Variants in BLTP1 observed in about 807,000 individuals in gnomAD.
BLTP1 encodes the protein fragile site-associated protein.
the BLTP1 span, chr4:122,255,223 T>C: frequency 3.9e-5 from 63 of 1,613,288 alleles, no homozygotes; most frequent in Admixed American, 4.3e-4. Context: ...GTTTACTATG[T>C]AATATACTAC....
the BLTP1 span, chr4:122,362,536 A>G: frequency 1.6e-5 from 3 of 182,300 alleles, no homozygotes; most frequent in South Asian, 1.5e-4. Flanking sequence ...TGTCTGCAGA[A>G]TAACTGTGAA....
At chr4:122,357,119 A>G in the BLTP1 span, 2 of 770,304 alleles carry the variant, frequency 2.6e-6, no homozygotes, top group African/African-American at 3.8e-5. Context: ...CTAATTGTGA[A>G]AACTGAATTG....
At chr4:122,278,529 G>T in the BLTP1 span, among the ~76,000 whole-genome samples, 5 of 152,178 alleles carry the variant, frequency 3.3e-5, no homozygotes, top group African/African-American at 1.2e-4. Context: ...TAAAGCTAGG[G>T]CTACCTTTCT....
the BLTP1 span, chr4:122,209,099 A>G: frequency 1.2e-4 from 174 of 1,493,328 alleles, no homozygotes; most frequent in African/African-American, 2.4e-3. Flanking sequence ...GCCCGTAAGT[A>G]TTAACCAACA....
At chr4:122,209,167 T>G in the BLTP1 span, 1 of 1,605,194 alleles carries the variant, frequency 6.2e-7, no homozygotes, top group South Asian at 1.1e-5. Context: ...AGGGAGAAGA[T>G]GTTGATCTTC....
chr4:122,233,959 T>TA, the BLTP1 span, among the ~76,000 whole-genome samples: 1 of 152,286 alleles, frequency 6.6e-6, no homozygotes, highest in African/African-American at 2.4e-5. Flanking sequence ...AAGGTGATAA[T>TA]ACCTATTCTG....
the BLTP1 span, chr4:122,274,568 A>T: frequency 3.6e-6 from 5 of 1,390,052 alleles, no homozygotes; most frequent in Non-Finnish European, 3.7e-6. Flanking sequence ...TCCTGTCGTT[A>T]AGAATATCAC....
the BLTP1 span, chr4:122,356,535 T>G: frequency 7.5e-7 from 1 of 1,341,916 alleles, no homozygotes; most frequent in Non-Finnish European, 1.0e-6. Flanking sequence ...TTGCATTTCA[T>G]GTGGATGCAT....
chr4:122,306,041 T>C, the BLTP1 span: 8 of 1,603,494 alleles, frequency 5.0e-6, no homozygotes, highest in Non-Finnish European at 6.8e-6. Flanking sequence ...TGGCCTTTGA[T>C]AGAGGTAAGA....
At chr4:122,301,898 CAAAAAATTTG>C in the BLTP1 span, among the ~76,000 whole-genome samples, 1 of 151,892 alleles carries the variant, frequency 6.6e-6, no homozygotes, top group Non-Finnish European at 1.5e-5. Flanking sequence ...TTTGTCTCTA[CAAAAAATTTG>C]AAAAAACAAA....
chr4:122,172,967 A>G, the BLTP1 span: 2 of 1,583,284 alleles, frequency 1.3e-6, no homozygotes, highest in Non-Finnish European at 1.7e-6. Flanking sequence ...TCCAAGTATT[A>G]AATTGTAAGA....
At chr4:122,326,158 T>TA in the BLTP1 span, among the ~76,000 whole-genome samples, 65 of 151,566 alleles carry the variant, frequency 4.3e-4, no homozygotes, top group African/African-American at 1.3e-3. Flanking sequence ...AACCAAATCA[T>TA]AAAAAAAACT....
At chr4:122,349,449 G>T in the BLTP1 span, 1 of 1,575,966 alleles carries the variant, frequency 6.3e-7, no homozygotes, top group South Asian at 1.2e-5. This position sits in a 1 kb window ranked among gnomAD's most constrained non-coding sequence, Gnocchi z 4.5. Flanking sequence ...TTCTATTTTA[G>T]CTCATATTTC....
At chr4:122,276,153 A>C in the BLTP1 span, 19 of 731,090 alleles carry the variant, frequency 2.6e-5, no homozygotes, top group Admixed American at 5.9e-4. Flanking sequence ...AGGCCCTTTT[A>C]TATAATAGAT....
the BLTP1 span, chr4:122,250,540 A>G: frequency 1.2e-6 from 2 of 1,613,754 alleles, no homozygotes; most frequent in Non-Finnish European, 1.7e-6. Flanking sequence ...GCCCTTCCTC[A>G]GACTTAAATG....
At chr4:122,343,233 C>T in the BLTP1 span, 1 of 370,572 alleles carries the variant, frequency 2.7e-6, no homozygotes, top group Non-Finnish European at 3.7e-6. Context: ...TTGGAAAATA[C>T]ATCTAAGTCT....
the BLTP1 span, chr4:122,318,410 C>A: frequency 1.4e-6 from 1 of 727,534 alleles, no homozygotes; most frequent in Non-Finnish European, 2.3e-6. Flanking sequence ...TAGGAGGTAG[C>A]TTGTGTTATT....
chr4:122,325,363 G>A, the BLTP1 span: 11 of 1,550,122 alleles, frequency 7.1e-6, no homozygotes, highest in South Asian at 9.7e-5. Flanking sequence ...TTGCTAAGTA[G>A]TTTTTACAAA....
At chr4:122,247,579 T>C in the BLTP1 span, 78 of 1,119,470 alleles carry the variant, frequency 7.0e-5, no homozygotes, top group Middle Eastern at 3.2e-4. Flanking sequence ...TTAAGTGGTA[T>C]GGCCCCAAAT....
Sources: gnomAD v4.1 joint callset for allele counts (sites outside exome capture counted in the v4.1 genomes callset) on GRCh38, gnomAD v4.1.1 for gene constraint, Gnocchi (gnomAD v3.1) non-coding constraint, MANE v1.5 for transcripts, NCBI Gene and HGNC (gene_info 2026-07-23, HGNC 2026-07-21) for gene names.